Variants in UNC13C observed in about 807,000 individuals in gnomAD.
UNC13C encodes the protein protein unc-13 homolog C.
A neutral mutation model predicts 245.4 loss-of-function variants in UNC13C; 174 were observed. The observed-to-expected ratio is 0.71, with a 90% CI of 0.63 to 0.80. The LOEUF is 0.80. Among genes scored for constraint, UNC13C ranks in the 30% least tolerant of loss-of-function variants. The probability of loss-of-function intolerance (pLI) is 0.00; values close to 1 mark genes in which losing one functional copy is unlikely to be tolerated. For synonymous variants in UNC13C, 992 were observed against 895.1 expected (o/e 1.11, Z -1.93); for missense variants, 2,829 against 2,602.9 (o/e 1.09, Z -1.89).
rs908451311 is a variant in UNC13C at position 54,188,064 on chromosome 15, C to T, written c.3071+44380C>T. On this transcript the variant is annotated intron_variant, in intron 4 of 32. Transcript: ENST00000260323. ...AACTCCTAACCTCAAGTGAACCACCCACTTTGGCCTCCCAAAGTGCTGGGA... is the reference window on the plus strand; with the variant it reads ...AACTCCTAACCTCAAGTGAACCACCTACTTTGGCCTCCCAAAGTGCTGGGA... Among the ~76,000 whole-genome samples the T allele has an allele frequency of 2.6e-5, 4 of 152,246 alleles. No homozygotes were observed. In the East Asian group the frequency reaches 7.7e-4, roughly 29 times the overall value.
chr15:53,900,381 C>T, the UNC13C span, among the ~76,000 whole-genome samples: 4 of 152,152 alleles, frequency 2.6e-5, no homozygotes, highest in Admixed American at 2.6e-4. Flanking sequence ...AAGAATTAAA[C>T]ATGTTCTTTA....
downstream of UNC13C, chr15:54,631,846 TTATC>T (rs1901462996): frequency 6.6e-6 from 1 of 152,190 alleles, no homozygotes; most frequent in Admixed American, 6.5e-5. Flanking sequence ...TCTTGGGTGA[TTATC>T]TATTAGAGTG....
At chr15:54,425,186 T>C (rs899062204) in intron 19 of UNC13C, among the ~76,000 whole-genome samples, 2 of 151,700 alleles carry the variant, frequency 1.3e-5, no homozygotes, top group African/African-American at 4.8e-5. Context: ...CTAGAATGAG[T>C]AGAAACACAT....
intron 4 of UNC13C, among the ~76,000 whole-genome samples, chr15:54,145,737 A>C (rs1438793154): frequency 6.6e-6 from 1 of 152,222 alleles, no homozygotes; most frequent in Non-Finnish European, 1.5e-5. Context: ...ATCTGAGTTT[A>C]TGATGTTATA....
intron 30 of UNC13C, among the ~76,000 whole-genome samples, chr15:54,613,994 C>T (rs536366652): frequency 3.3e-5 from 5 of 151,966 alleles, no homozygotes; most frequent in South Asian, 4.1e-4. Context: ...TTTCCTGTTG[C>T]CCCAGCTACT....
intron 19 of UNC13C, among the ~76,000 whole-genome samples, chr15:54,426,557 T>G (rs1291960104): frequency 6.6e-6 from 1 of 151,532 alleles, no homozygotes; most frequent in Non-Finnish European, 1.5e-5. Flanking sequence ...CTCATAACTT[T>G]TGTTGTATTT....
intron 4 of UNC13C, among the ~76,000 whole-genome samples, chr15:54,187,045 A>C (rs2141316735): frequency 6.6e-6 from 1 of 151,892 alleles, no homozygotes; most frequent in African/African-American, 2.4e-5. Context: ...ACAGGGTTTC[A>C]CCATGTTGGC....
At chr15:54,517,746 C>T (rs1322391754) in intron 24 of UNC13C, among the ~76,000 whole-genome samples, 2 of 152,134 alleles carry the variant, frequency 1.3e-5, no homozygotes, top group Non-Finnish European at 2.9e-5. Flanking sequence ...TACTAAGATG[C>T]AGACCCCACC....
chr15:54,276,804 G>T (rs1421184590), intron 10 of UNC13C, among the ~76,000 whole-genome samples: 1 of 151,952 alleles, frequency 6.6e-6, no homozygotes, highest in Non-Finnish European at 1.5e-5. Context: ...GACCATTTTT[G>T]ATACAGTCCT....
intron 2 of UNC13C, among the ~76,000 whole-genome samples, chr15:54,132,376 GT>G (rs2031486098): frequency 6.6e-6 from 1 of 152,046 alleles, no homozygotes; most frequent in Non-Finnish European, 1.5e-5. Flanking sequence ...GACCAATTCA[GT>G]TTTTTTAGAT....
the UNC13C span, among the ~76,000 whole-genome samples, chr15:53,905,063 A>G: frequency 3.9e-5 from 6 of 152,156 alleles, no homozygotes; most frequent in Non-Finnish European, 7.4e-5. Context: ...GGGACAATGA[A>G]TGCATAACAC....
At chr15:54,026,600 T>C (rs924380920) in intron 2 of UNC13C, among the ~76,000 whole-genome samples, 1 of 152,184 alleles carries the variant, frequency 6.6e-6, no homozygotes, top group Non-Finnish European at 1.5e-5. Context: ...GGGAAACCCA[T>C]GGATCACATT....
intron 19 of UNC13C, among the ~76,000 whole-genome samples, chr15:54,442,725 T>G (rs1890598327): frequency 1.3e-5 from 2 of 152,170 alleles, no homozygotes; most frequent in African/African-American, 2.4e-5. Context: ...GTATCACATT[T>G]ATTGATTTAC....
At chr15:54,008,466 G>A (rs990821996) in intron 1 of UNC13C, among the ~76,000 whole-genome samples, 5 of 152,096 alleles carry the variant, frequency 3.3e-5, no homozygotes, top group African/African-American at 7.2e-5. Context: ...TCCTATAACC[G>A]CATAGTCTAT....
the UNC13C span, among the ~76,000 whole-genome samples, chr15:53,940,724 C>A: frequency 1.3e-5 from 2 of 151,942 alleles, no homozygotes; most frequent in Non-Finnish European, 2.9e-5. Context: ...GCAATTGCCA[C>A]AAAGATGATA....
chr15:53,846,987 A>G, the UNC13C span, among the ~76,000 whole-genome samples: 1 of 152,100 alleles, frequency 6.6e-6, no homozygotes, highest in Non-Finnish European at 1.5e-5. Flanking sequence ...AGCGCTGAGA[A>G]TAGTTGTCCT....
intron 19 of UNC13C, among the ~76,000 whole-genome samples, chr15:54,433,464 C>G (rs2040913471): frequency 6.6e-6 from 1 of 152,072 alleles, no homozygotes; most frequent in Non-Finnish European, 1.5e-5. Flanking sequence ...ATCACATAAA[C>G]AGAACCAATG....
intron 30 of UNC13C, among the ~76,000 whole-genome samples, chr15:54,613,205 TA>T (rs1900217624): frequency 6.6e-6 from 1 of 151,844 alleles, no homozygotes; most frequent in Admixed American, 6.6e-5. Context: ...ATATCCTGTT[TA>T]AAATAATAAA....
In UNC13C at chr15:54,013,044, T is replaced by C. The variant is rs1356637240; in HGVS notation, c.141T>C (p.Ala47=). The change falls in exon 2 of 33, where the codon GCT becomes GCC. Residue 47 remains alanine, a synonymous_variant. Transcript: ENST00000260323. ...AAAAGGATCAAGACTTCCCCACTGC[T>C]GGCCAGACCAAATCCCCCAAATTTT... ...QQKKDQDFPT[A]GQTKSPKFSY... is the part of the protein sequence containing the mutation. 6.2e-7 allele frequency: 1 copy of C among 1,613,780 alleles called. No homozygotes were observed. The highest frequency in any genetic ancestry group is 8.5e-7 in the Non-Finnish European group (1 of 1,179,844).
Sources: gnomAD v4.1 joint callset for allele counts (sites outside exome capture counted in the v4.1 genomes callset) on GRCh38, gnomAD v4.1.1 for gene constraint, MANE v1.5 for transcripts, NCBI Gene and HGNC (gene_info 2026-07-23, HGNC 2026-07-21) for gene names.